SCFD2: variants seen among roughly 807,000 people sequenced by gnomAD.
SCFD2 encodes sec1 family domain-containing protein 2.
SCFD2 carries 54 observed loss-of-function variants against 58.9 expected under a neutral mutation model. The ratio of observed to expected loss-of-function variants is 0.92; its 90% CI spans 0.74 to 1.15. The LOEUF is 1.15. SCFD2 is among the 50% of genes most tolerant of loss of function. SCFD2 has a pLI of 0.00. For synonymous variants in SCFD2, 321 were observed against 335.9 expected (o/e 0.96, Z 0.49); for missense variants, 805 against 836.6 (o/e 0.96, Z 0.47).
chr4:52,874,089 G>T, intron 8 of SCFD2, 28 bp from the exon 9 acceptor site: 1 of 1,487,662 alleles, frequency 6.7e-7, no homozygotes, highest in Non-Finnish European at 9.4e-7. Flanking sequence ...CAAACACACC[G>T]CAGGGAATTA....
chr4:52,964,369 A>G (rs934267957), intron 5 of SCFD2, among the ~76,000 whole-genome samples: 19 of 152,218 alleles, frequency 1.2e-4, no homozygotes, highest in African/African-American at 4.6e-4. Flanking sequence ...GTGTTAAGTC[A>G]TCAGTAGTAA....
chr4:53,028,499 G>A (rs545434392), intron 5 of SCFD2, among the ~76,000 whole-genome samples: 4 of 152,102 alleles, frequency 2.6e-5, no homozygotes, highest in Admixed American at 6.6e-5. Flanking sequence ...CACAATCAAG[G>A]AGGAACTATG....
chr4:52,919,349 A>C (rs1017686403), intron 6 of SCFD2, among the ~76,000 whole-genome samples: 1 of 152,192 alleles, frequency 6.6e-6, no homozygotes, highest in African/African-American at 2.4e-5. Flanking sequence ...ACTAGTCCAC[A>C]TTATAGTATT....
At chr4:53,102,737 A>C (rs1415398657) in intron 5 of SCFD2, among the ~76,000 whole-genome samples, 8 of 152,142 alleles carry the variant, frequency 5.3e-5, no homozygotes, top group Non-Finnish European at 1.2e-4. Context: ...CTGAAGAAAA[A>C]CAGGCCCATT....
chr4:52,907,683 T>C (rs1408073709), intron 6 of SCFD2, 92 bp from the exon 7 acceptor site: 2 of 1,232,704 alleles, frequency 1.6e-6, no homozygotes, highest in Non-Finnish European at 2.4e-6. Flanking sequence ...AAAGCAAGTT[T>C]ATTTTGATAC....
chr4:53,199,883 A>G (rs998965675), intron 4 of SCFD2, among the ~76,000 whole-genome samples: 3 of 152,070 alleles, frequency 2.0e-5, no homozygotes, highest in African/African-American at 7.2e-5. Context: ...TCCTGCTTGC[A>G]GATGGCTTTT....
chr4:53,145,037 T>A (rs1227730459), intron 5 of SCFD2, among the ~76,000 whole-genome samples: 1 of 152,132 alleles, frequency 6.6e-6, no homozygotes, highest in Non-Finnish European at 1.5e-5. Flanking sequence ...GAAGTGCACA[T>A]ATGAGGGATC....
intron 3 of SCFD2, among the ~76,000 whole-genome samples, chr4:53,276,404 T>C (rs1373918841): frequency 6.6e-6 from 1 of 152,126 alleles, no homozygotes; most frequent in African/African-American, 2.4e-5. Flanking sequence ...TAGGGGTTTG[T>C]GAAAAAAACT....
At chr4:53,181,464 G>T (rs1727551920) in intron 4 of SCFD2, among the ~76,000 whole-genome samples, 1 of 152,068 alleles carries the variant, frequency 6.6e-6, no homozygotes. Flanking sequence ...AACCCTTCAG[G>T]CTAAAAACTC....
chr4:53,348,594 C>T (rs1430400732), intron 2 of SCFD2, among the ~76,000 whole-genome samples: 1 of 152,202 alleles, frequency 6.6e-6, no homozygotes, highest in Non-Finnish European at 1.5e-5. Flanking sequence ...AATTTTCTCA[C>T]CACCTATCGC....
chr4:53,070,979 C>T (rs78795373), intron 5 of SCFD2, among the ~76,000 whole-genome samples: 143 of 152,182 alleles, frequency 9.4e-4, no homozygotes, highest in African/African-American at 3.3e-3. Context: ...GCTAGATGTG[C>T]CATGTGACTA....
rs144756741 is a variant in SCFD2 at position 53,287,190 on chromosome 4, C to T, written c.1136-13189G>A. ...TCTACCTGTGCTTCAGTTAGTGAAC[C>T]TGTGCCCACATCACAGGTGTCACAG... On this transcript the variant is annotated intron_variant, in intron 3 of 8. Coordinates refer to ENST00000401642, the MANE Select transcript of SCFD2 (RefSeq NM_152540.4). Among the ~76,000 whole-genome samples, 23 of 152,252 alleles carry T rather than the reference C, an allele frequency of 1.5e-4. No homozygotes were observed. In the East Asian group the frequency reaches 4.2e-3, roughly 28 times the overall value.
At chr4:53,301,243 T>G (rs1478053678) in intron 3 of SCFD2, among the ~76,000 whole-genome samples, 1 of 151,794 alleles carries the variant, frequency 6.6e-6, no homozygotes, top group East Asian at 1.9e-4. Flanking sequence ...ATCAAATAGA[T>G]GCAATAAAAA....
chr4:53,191,390 ATTATGG>A lies in SCFD2; in HGVS notation c.1312-45814_1312-45809del, dbSNP rs2148958165. Among the ~76,000 whole-genome samples the A allele has an allele frequency of 2.0e-5, 3 of 152,120 alleles. No homozygotes were observed. The South Asian group carries it at 6.3e-4, about 32-fold the overall frequency. ...AAATCAAGTGTGAAAATATTCATAA[ATTATGG>A]TTATATGGGTTTTGTTTTTTGTTTT... is the stretch of plus-strand genomic sequence containing the variant. On this transcript the variant is annotated intron_variant, in intron 4 of 8. Coordinates refer to ENST00000401642, the MANE Select transcript of SCFD2 (RefSeq NM_152540.4).
At chr4:53,111,513 A>G (rs1384653184) in intron 5 of SCFD2, among the ~76,000 whole-genome samples, 5 of 152,112 alleles carry the variant, frequency 3.3e-5, no homozygotes, top group African/African-American at 1.2e-4. Flanking sequence ...TTTGGTAAAA[A>G]TTAGAACAAA....
At chr4:53,236,025 G>T (rs1236200004) in intron 4 of SCFD2, among the ~76,000 whole-genome samples, 2 of 152,088 alleles carry the variant, frequency 1.3e-5, no homozygotes, top group Non-Finnish European at 2.9e-5. Context: ...GTGTAAACTT[G>T]GATTGAAGGA....
intron 4 of SCFD2, among the ~76,000 whole-genome samples, chr4:53,168,051 G>A (rs1405627153): frequency 6.6e-6 from 1 of 152,154 alleles, no homozygotes; most frequent in Non-Finnish European, 1.5e-5. Context: ...ATTCACTGCT[G>A]ACTTGTAAGG....
chr4:53,273,753 A>G, intron 4 of SCFD2, 73 bp downstream of exon 4: 1 of 1,304,646 alleles, frequency 7.7e-7, no homozygotes, highest in Non-Finnish European at 1.1e-6. Flanking sequence ...AGGCTATAAT[A>G]AATGTCAAGG....
intron 3 of SCFD2, among the ~76,000 whole-genome samples, chr4:53,313,296 G>T (rs1577959101): frequency 6.6e-6 from 1 of 152,132 alleles, no homozygotes; most frequent in Non-Finnish European, 1.5e-5. Flanking sequence ...GGGGTAATAG[G>T]GGAAGAATGG....
Sources: gnomAD v4.1 joint callset for allele counts (sites outside exome capture counted in the v4.1 genomes callset) on GRCh38, gnomAD v4.1.1 for gene constraint, MANE v1.5 for transcripts, NCBI Gene and HGNC (gene_info 2026-07-23, HGNC 2026-07-21) for gene names.